The following IQCJ variants were observed in gnomAD, a reference collection of about 807,000 sequenced individuals.
The protein encoded by IQCJ is IQ domain-containing protein J.
Under a neutral mutation model 11.0 loss-of-function variants are expected in IQCJ, and 9 were observed. That is an observed-to-expected ratio of 0.82 (90% CI 0.49 to 1.43). IQCJ has a LOEUF of 1.43. IQCJ is among the 40% of genes most tolerant of loss of function. The probability of loss-of-function intolerance (pLI) is 0.00; values close to 1 mark genes in which losing one functional copy is unlikely to be tolerated. For synonymous variants in IQCJ, 55 were observed against 51.3 expected, an observed-to-expected ratio of 1.07 and a Z score of -0.31; for missense variants, 146 against 133.2, an observed-to-expected ratio of 1.10 and a Z score of -0.47.
At chr3:159,221,006 G>A (rs533002272) in intron 1 of IQCJ, among the ~76,000 whole-genome samples, 11 of 152,220 alleles carry the variant, frequency 7.2e-5, no homozygotes, top group Admixed American at 6.5e-4. Context: ...ATGTGCCATG[G>A]AGAGAATAAA....
At chr3:159,234,578 A>G (rs1371510544) in intron 1 of IQCJ, among the ~76,000 whole-genome samples, 1 of 152,162 alleles carries the variant, frequency 6.6e-6, no homozygotes, top group Non-Finnish European at 1.5e-5. Context: ...CCAAGGCAAA[A>G]ACATTGCTTG....
intron 1 of IQCJ, among the ~76,000 whole-genome samples, chr3:159,154,394 T>G (rs921428165): frequency 6.6e-6 from 1 of 152,182 alleles, no homozygotes; most frequent in Non-Finnish European, 1.5e-5. Context: ...CATTGATAAG[T>G]TTTTATTTAG....
At chr3:159,092,089 C>G (rs1717354103) in intron 1 of IQCJ, among the ~76,000 whole-genome samples, 1 of 151,810 alleles carries the variant, frequency 6.6e-6, no homozygotes, top group African/African-American at 2.4e-5. Context: ...GTGGAAAGCT[C>G]TGGAGGACAT....
intron 1 of IQCJ, among the ~76,000 whole-genome samples, chr3:159,215,169 T>C (rs571565685): frequency 3.9e-5 from 6 of 152,216 alleles, no homozygotes; most frequent in Non-Finnish European, 7.4e-5. Flanking sequence ...CTGGGCTTGA[T>C]GAAAAATGGA....
intron 1 of IQCJ, among the ~76,000 whole-genome samples, chr3:159,149,112 CATTA>C (rs142369227): frequency 0.012 from 1,888 of 152,286 alleles, 37 homozygotes; most frequent in African/African-American, 0.043. Flanking sequence ...ATCCAATCTA[CATTA>C]ATTAATAATT....
chr3:159,165,041 A>G (rs1300646779), intron 1 of IQCJ, among the ~76,000 whole-genome samples: 2 of 151,818 alleles, frequency 1.3e-5, no homozygotes, highest in African/African-American at 4.8e-5. Flanking sequence ...AATTAGGCAC[A>G]TGATTACATA....
At chr3:159,244,965 A>G (rs1054840502) in intron 1 of IQCJ, among the ~76,000 whole-genome samples, 1 of 152,176 alleles carries the variant, frequency 6.6e-6, no homozygotes, top group Non-Finnish European at 1.5e-5. Flanking sequence ...CCAGGAACAG[A>G]GTTCTGCGAG....
intron 1 of IQCJ, among the ~76,000 whole-genome samples, chr3:159,165,788 A>ATTTTT (rs35878681): frequency 9.4e-6 from 1 of 106,522 alleles, no homozygotes; most frequent in African/African-American, 3.6e-5. Context: ...TAATTTTTGT[A>ATTTTT]TTTTTTTTTT....
chr3:159,078,879 A>C (rs1329790805), intron 1 of IQCJ, among the ~76,000 whole-genome samples: 2 of 152,098 alleles, frequency 1.3e-5, no homozygotes, highest in Non-Finnish European at 2.9e-5. Flanking sequence ...GCTGCTGTTA[A>C]GATTTTAAAT....
intron 1 of IQCJ, among the ~76,000 whole-genome samples, chr3:159,163,334 C>T (rs1423659967): frequency 6.6e-6 from 1 of 152,206 alleles, no homozygotes; most frequent in African/African-American, 2.4e-5. Context: ...ACATGACTAT[C>T]TCAATAGATG....
At position 159,154,818 on chromosome 3, in the gene IQCJ, C is replaced by T. The variant is rs189379897; in HGVS notation, c.9+85377C>T. Among the ~76,000 whole-genome samples the T allele has an allele frequency of 3.2e-3, 482 of 152,252 alleles. 1 individual carries two copies. Among genetic ancestry groups the T allele is most frequent in the African/African-American group, 0.011 (453 of 41,560 alleles). On this transcript the variant is annotated intron_variant, in intron 1 of 3. Coordinates refer to ENST00000397832, the MANE Select transcript of IQCJ (RefSeq NM_001042706.3). ...TGGTGTCACCCCTGTAGCCAATGGC[C>T]GTGCTCAACACTACTGTCTTCTAAT... is the stretch of plus-strand genomic sequence containing the variant.
chr3:159,175,306 A>G (rs551817043), intron 1 of IQCJ, among the ~76,000 whole-genome samples: 1 of 152,132 alleles, frequency 6.6e-6, no homozygotes, highest in Admixed American at 6.5e-5. Context: ...TCCCATCTCA[A>G]CAAAAGCAAA....
At position 159,091,199 on chromosome 3, in the gene IQCJ, G is replaced by A. The variant is rs1010233717; in HGVS notation, c.9+21758G>A. Among the ~76,000 whole-genome samples, 22 of 151,834 alleles carry A rather than the reference G, an allele frequency of 1.4e-4. 1 individual carries two copies. Among genetic ancestry groups the A allele is most frequent in the African/African-American group, 5.3e-4 (22 of 41,172 alleles). On this transcript the variant is annotated intron_variant, in intron 1 of 3. Coordinates refer to ENST00000397832, the MANE Select transcript of IQCJ (RefSeq NM_001042706.3). ...TCCTGGATGAAATGCATGAATACAGGTGTAGGGCAGAGACAATATCTTAGT... is the reference window on the plus strand; with the variant it reads ...TCCTGGATGAAATGCATGAATACAGATGTAGGGCAGAGACAATATCTTAGT...
intron 1 of IQCJ, among the ~76,000 whole-genome samples, chr3:159,085,084 C>T (rs556404388): frequency 1.9e-4 from 29 of 151,060 alleles, no homozygotes; most frequent in Non-Finnish European, 3.7e-4. Flanking sequence ...CACCCCACAA[C>T]AGTCCCCAGA....
chr3:159,228,344 A>G (rs968783124), intron 1 of IQCJ, among the ~76,000 whole-genome samples: 2 of 152,226 alleles, frequency 1.3e-5, no homozygotes, highest in Non-Finnish European at 1.5e-5. Flanking sequence ...GTTTAGAATA[A>G]AATACCTCTC....
At chr3:159,196,577 C>T (rs1317104987) in intron 1 of IQCJ, among the ~76,000 whole-genome samples, 1 of 152,196 alleles carries the variant, frequency 6.6e-6, no homozygotes, top group African/African-American at 2.4e-5. Context: ...CCCCATCTGC[C>T]ACTCTGCCTC....
chr3:159,111,718 A>G (rs1271669682), intron 1 of IQCJ, among the ~76,000 whole-genome samples: 1 of 152,232 alleles, frequency 6.6e-6, no homozygotes, highest in African/African-American at 2.4e-5. Flanking sequence ...TCAGCACTGC[A>G]TTCACATTCC....
intron 1 of IQCJ, among the ~76,000 whole-genome samples, chr3:159,135,231 T>C (rs760752713): frequency 1.3e-5 from 2 of 152,210 alleles, no homozygotes; most frequent in African/African-American, 4.8e-5. Flanking sequence ...CTCTGTCCTA[T>C]GCATAACTCT....
intron 1 of IQCJ, among the ~76,000 whole-genome samples, chr3:159,159,080 C>T (rs1721692559): frequency 6.6e-6 from 1 of 152,118 alleles, no homozygotes; most frequent in Admixed American, 6.6e-5. Flanking sequence ...TAAAGGAAAA[C>T]CCCTTTGTTG....
Sources: gnomAD v4.1 joint callset for allele counts (sites outside exome capture counted in the v4.1 genomes callset) on GRCh38, gnomAD v4.1.1 for gene constraint, MANE v1.5 for transcripts, NCBI Gene and HGNC (gene_info 2026-07-23, HGNC 2026-07-21) for gene names.